Variants in RASSF8 observed in about 807,000 individuals in gnomAD.
RASSF8 encodes Ras association domain family member 8, also known as ras association domain-containing protein 8.
RASSF8 carries 22 observed loss-of-function variants against 48.5 expected under a neutral mutation model. The ratio of observed to expected loss-of-function variants is 0.45; its 90% CI spans 0.32 to 0.65. The LOEUF is 0.65. Ranked by LOEUF, RASSF8 falls within the 30% of genes least tolerant of loss-of-function variation. RASSF8 has a pLI of 0.03. For synonymous variants in RASSF8, 127 were observed against 171.5 expected, an observed-to-expected ratio of 0.74 and a Z score of 2.03; for missense variants, 418 against 489.2, an observed-to-expected ratio of 0.85 and a Z score of 1.37.
chr12:26,013,738 A>G (rs539759364), intron 2 of RASSF8, among the ~76,000 whole-genome samples: 10 of 152,150 alleles, frequency 6.6e-5, no homozygotes, highest in Non-Finnish European at 1.3e-4. Flanking sequence ...ATTTTTAAAG[A>G]TGTTTTTCTA....
chr12:26,041,674 C>A (rs535481643), intron 2 of RASSF8, among the ~76,000 whole-genome samples: 1 of 136,626 alleles, frequency 7.3e-6, no homozygotes, highest in African/African-American at 2.6e-5. Flanking sequence ...CATACATAAA[C>A]ATATATATAT....
At chr12:25,964,620 C>G (rs1286300469) in intron 1 of RASSF8, among the ~76,000 whole-genome samples, 1 of 152,036 alleles carries the variant, frequency 6.6e-6, no homozygotes, top group Non-Finnish European at 1.5e-5. Context: ...CTAAATTATT[C>G]TTCCAGATAC....
At chr12:26,066,593 G>A (rs1943880105) in intron 4 of RASSF8, among the ~76,000 whole-genome samples, 1 of 152,112 alleles carries the variant, frequency 6.6e-6, no homozygotes, top group Non-Finnish European at 1.5e-5. Flanking sequence ...AGGTACAAGT[G>A]GAAGTTGTGT....
intron 1 of RASSF8, among the ~76,000 whole-genome samples, chr12:25,972,949 G>A (rs1488868387): frequency 2.6e-5 from 4 of 152,072 alleles, no homozygotes; most frequent in Admixed American, 2.0e-4. Context: ...CATACAACAT[G>A]TACTCTTTGG....
At chr12:25,962,137 C>T (rs1253324621) in intron 1 of RASSF8, among the ~76,000 whole-genome samples, 1 of 152,118 alleles carries the variant, frequency 6.6e-6, no homozygotes, top group Non-Finnish European at 1.5e-5. Context: ...GGATAAGATA[C>T]CAAATCCTTG....
chr12:25,992,978 G>GA (rs1942049774), intron 1 of RASSF8, among the ~76,000 whole-genome samples: 1 of 152,162 alleles, frequency 6.6e-6, no homozygotes, highest in African/African-American at 2.4e-5. Flanking sequence ...TTTGTAAAGT[G>GA]ACCTGGTGAA....
chr12:26,019,563 CTGTGTGTG>C (rs56895234), intron 2 of RASSF8, among the ~76,000 whole-genome samples: 58,692 of 148,012 alleles, frequency 0.4, 12,252 homozygotes, highest in Non-Finnish European at 0.48. Flanking sequence ...CGGGCATACA[CTGTGTGTG>C]TGTGTGTGTG....
At position 26,069,573 on chromosome 12, in the gene RASSF8, G is replaced by T. The variant is rs1360026450; in HGVS notation, c.*755G>T. On this transcript the variant is annotated 3_prime_UTR_variant, in exon 6 of 6. Coordinates refer to ENST00000689635, the MANE Select transcript of RASSF8 (RefSeq NM_001394098.1). Reference sequence around the variant, plus strand: ...GACACTGTTGAACAAAAATGTAATTGGTAAGTATGTATCCAAACAGGCATG... The same window carrying T: ...GACACTGTTGAACAAAAATGTAATTTGTAAGTATGTATCCAAACAGGCATG... 1.0e-6 allele frequency: 1 copy of T among 985,272 alleles called. No individual in the cohort carries two copies. 61.0% of individuals were successfully genotyped at this position (985,272 alleles called of 1,614,324 possible).
intron 3 of RASSF8, among the ~76,000 whole-genome samples, chr12:26,057,865 T>C (rs918025605): frequency 2.0e-5 from 3 of 152,212 alleles, no homozygotes; most frequent in African/African-American, 7.2e-5. Context: ...GATTTGCATT[T>C]CTCTGATGGA....
In RASSF8 at chr12:26,060,454, G is replaced by A. The variant is rs147535653; in HGVS notation, c.104-4044G>A. Reference sequence around the variant, plus strand: ...TAGTATAGTAAAAAAATAACTAAATGTCATCAGAAAATTACTTAAAATTCT... The same window carrying A: ...TAGTATAGTAAAAAAATAACTAAATATCATCAGAAAATTACTTAAAATTCT... On this transcript the variant is annotated intron_variant, in intron 3 of 5. Transcript: ENST00000689635. 4.3e-3 allele frequency among the ~76,000 whole-genome samples: 651 copies of A among 152,232 alleles called. 9 individuals are homozygous for A. The highest frequency in any genetic ancestry group is 0.015 in the African/African-American group (622 of 41,544).
At chr12:26,049,194 G>T (rs972611097) in intron 2 of RASSF8, among the ~76,000 whole-genome samples, 12 of 152,190 alleles carry the variant, frequency 7.9e-5, no homozygotes, top group African/African-American at 2.4e-4. Context: ...TTTCCATGGG[G>T]TATTAGAATG....
chr12:26,017,535 A>C (rs1311973449), intron 2 of RASSF8, among the ~76,000 whole-genome samples: 2 of 152,218 alleles, frequency 1.3e-5, no homozygotes, highest in Non-Finnish European at 2.9e-5. Flanking sequence ...GGCTCACTGG[A>C]AAGCAGAGAA....
chr12:26,040,407 G>A (rs1475106433), intron 2 of RASSF8, among the ~76,000 whole-genome samples: 1 of 152,222 alleles, frequency 6.6e-6, no homozygotes, highest in Non-Finnish European at 1.5e-5. Flanking sequence ...GGGGGTAATA[G>A]TGGCCGAGGG....
rs1375400253 is a variant in RASSF8 at position 26,069,993 on chromosome 12, A to C, written c.*1175A>C. 1.0e-6 allele frequency: 1 copy of C among 975,368 alleles called. No homozygotes were observed. 60.4% of individuals were successfully genotyped at this position (975,368 alleles called of 1,614,324 possible). A position where few individuals can be genotyped will look rare whatever the true frequency, so the allele number is the denominator to read the frequency against. On this transcript the variant is annotated 3_prime_UTR_variant, in exon 6 of 6. Coordinates refer to ENST00000689635, the MANE Select transcript of RASSF8 (RefSeq NM_001394098.1). ...TTGTACATATGTTATTTTATTTGTA[A>C]AACCAAATATGACTCAACACCTTTT...
chr12:25,960,289 G>T (rs1941200262), intron 1 of RASSF8, among the ~76,000 whole-genome samples: 1 of 152,120 alleles, frequency 6.6e-6, no homozygotes, highest in South Asian at 2.1e-4. Context: ...ATCATGTTAT[G>T]AAGGAACAGA....
chr12:26,003,180 T>A lies in RASSF8; in HGVS notation c.-109+8050T>A, dbSNP rs181028103. 2.5e-3 allele frequency among the ~76,000 whole-genome samples: 375 copies of A among 152,336 alleles called. 3 individuals are homozygous for A. The highest frequency in any genetic ancestry group is 8.8e-3 in the African/African-American group (366 of 41,570). Reference sequence around the variant, plus strand: ...TATCATGAAGGGATGTTGAATTTTATCAAATGCTGTTTCTGTGTCTATTGA... The same window carrying A: ...TATCATGAAGGGATGTTGAATTTTAACAAATGCTGTTTCTGTGTCTATTGA... On this transcript the variant is annotated intron_variant, in intron 2 of 5. Transcript: ENST00000689635.
At chr12:26,065,487 A>C in intron 4 of RASSF8, 100 bp downstream of exon 4, 2 of 1,415,774 alleles carry the variant, frequency 1.4e-6, no homozygotes, top group Non-Finnish European at 1.9e-6. Context: ...TATTCAAAGA[A>C]TTAGAAACCC....
rs527787223 is a variant in RASSF8, at chr12:26,014,963, T to C, written c.-109+19833T>C. ...GCTCACGCCTGTAATCCCAGCACTT[T>C]GGGAGGCCAAGGTGGGAGGATCGCT... is the stretch of plus-strand genomic sequence containing the variant. On this transcript the variant is annotated intron_variant, in intron 2 of 5. Transcript: ENST00000689635. 1.5e-4 allele frequency among the ~76,000 whole-genome samples: 23 copies of C among 151,838 alleles called. 1 individual carries two copies. The South Asian group carries it at 4.0e-3, about 26-fold the overall frequency.
chr12:26,052,301 C>G (rs942972492), intron 2 of RASSF8, among the ~76,000 whole-genome samples: 2 of 152,122 alleles, frequency 1.3e-5, no homozygotes, highest in Non-Finnish European at 2.9e-5. Flanking sequence ...TGCAAATGCT[C>G]AATTCCAGGA....
Sources: gnomAD v4.1 joint callset for allele counts (sites outside exome capture counted in the v4.1 genomes callset) on GRCh38, gnomAD v4.1.1 for gene constraint, MANE v1.5 for transcripts, NCBI Gene and HGNC (gene_info 2026-07-23, HGNC 2026-07-21) for gene names.